CLSTN2: variants seen among roughly 807,000 people sequenced by gnomAD.
The protein encoded by CLSTN2 is calsyntenin 2.
Under a neutral mutation model 101.2 loss-of-function variants are expected in CLSTN2, and 48 were observed. The observed-to-expected ratio is 0.47, with a 90% confidence interval of 0.38 to 0.60. The LOEUF is 0.60. Ranked by LOEUF, CLSTN2 falls within the 20% of genes least tolerant of loss-of-function variation. CLSTN2 has a pLI of 0.00. For synonymous variants in CLSTN2, 481 were observed against 463.6 expected (o/e 1.04, Z -0.48); for missense variants, 1,160 against 1,238.2 (o/e 0.94, Z 0.95).
rs1032638078 is a variant in CLSTN2, at chr3:140,414,908, C to T, written c.638-6217C>T. Among the ~76,000 whole-genome samples, 12 of 152,028 alleles carry T rather than the reference C, an allele frequency of 7.9e-5. No individual in the cohort carries two copies. In the East Asian group the frequency reaches 1.7e-3, roughly 22 times the overall value. On this transcript the variant is annotated intron_variant, in intron 4 of 16. Coordinates refer to ENST00000458420, the MANE Select transcript of CLSTN2 (RefSeq NM_022131.3). ...AAGAAGAACAAACCTGGAGGTATTACATTTCCTGATTTCAAACTATAAAAC... is the reference window on the plus strand; with the variant it reads ...AAGAAGAACAAACCTGGAGGTATTATATTTCCTGATTTCAAACTATAAAAC...
chr3:140,272,438 A>G (rs1395930190), intron 2 of CLSTN2, among the ~76,000 whole-genome samples: 1 of 151,620 alleles, frequency 6.6e-6, no homozygotes, highest in Non-Finnish European at 1.5e-5. Flanking sequence ...ACAATAGCCA[A>G]TCAGTAAGGT....
intron 2 of CLSTN2, among the ~76,000 whole-genome samples, chr3:140,367,960 C>T (rs1182109726): frequency 6.6e-6 from 1 of 152,140 alleles, no homozygotes; most frequent in African/African-American, 2.4e-5. Context: ...CAGGAGTGGT[C>T]ATGTTACATC....
chr3:140,442,263 C>T (rs1395224021), intron 5 of CLSTN2, among the ~76,000 whole-genome samples: 2 of 152,078 alleles, frequency 1.3e-5, no homozygotes, highest in African/African-American at 2.4e-5. Flanking sequence ...CTTTTTGGGG[C>T]TTTTACACTC....
At chr3:139,957,191 C>T (rs1935420815) in intron 1 of CLSTN2, among the ~76,000 whole-genome samples, 2 of 152,108 alleles carry the variant, frequency 1.3e-5, no homozygotes, top group African/African-American at 4.8e-5. Flanking sequence ...TCTGGGGCTG[C>T]CCAGAGATGA....
At chr3:140,165,046 A>G (rs2010113375) in intron 1 of CLSTN2, among the ~76,000 whole-genome samples, 1 of 152,200 alleles carries the variant, frequency 6.6e-6, no homozygotes, top group Admixed American at 6.5e-5. Context: ...TTAAGGATTA[A>G]TGACTCAGCC....
At position 139,970,652 on chromosome 3, in the gene CLSTN2, G is replaced by A. The variant is rs544189843; in HGVS notation, c.109+35169G>A. Among the ~76,000 whole-genome samples, 156 of 152,262 alleles carry A rather than the reference G, an allele frequency of 1.0e-3. 1 individual carries two copies. The highest frequency in any genetic ancestry group is 3.4e-3 in the African/African-American group (141 of 41,558). On this transcript the variant is annotated intron_variant, in intron 1 of 16. Coordinates refer to ENST00000458420, the MANE Select transcript of CLSTN2 (RefSeq NM_022131.3). ...CCTCATCCTGAACACAGCGGCAGTG[G>A]ACCATAGTGGGCCCTCTGCCCCTGC...
chr3:140,535,349 C>T (rs1026976586), intron 9 of CLSTN2, among the ~76,000 whole-genome samples: 1 of 152,210 alleles, frequency 6.6e-6, no homozygotes, highest in Non-Finnish European at 1.5e-5. Context: ...TCCTTAGTAT[C>T]CTTCTAGGCT....
At position 140,577,101 on chromosome 3, in the gene CLSTN2, G is replaced by A. The variant is rs1486037720; in HGVS notation, c.*10848G>A. The A allele has an allele frequency of 1.3e-5, 2 of 152,168 alleles. No homozygotes were observed. Among genetic ancestry groups the A allele is most frequent in the Admixed American group, 6.5e-5 (1 of 15,288 alleles). 9.4% of individuals were successfully genotyped at this position (152,168 alleles called of 1,614,324 possible). On this transcript the variant is annotated 3_prime_UTR_variant, in exon 17 of 17. Transcript: ENST00000458420. ...AATTCAGACTGACACAGAGTGAGGG[G>A]CGCTGAGAGTCTCTATGTATATAAA...
At chr3:140,302,292 C>T (rs1284906730) in intron 2 of CLSTN2, among the ~76,000 whole-genome samples, 1 of 152,064 alleles carries the variant, frequency 6.6e-6, no homozygotes, top group Non-Finnish European at 1.5e-5. Context: ...TGCTGGAGAC[C>T]ACTTGTTAAC....
chr3:140,176,350 G>C (rs1426696449), intron 2 of CLSTN2, among the ~76,000 whole-genome samples: 1 of 152,194 alleles, frequency 6.6e-6, no homozygotes, highest in Admixed American at 6.5e-5. Context: ...GTGGCCTGTG[G>C]AGTTGGAGAA....
intron 5 of CLSTN2, among the ~76,000 whole-genome samples, chr3:140,442,205 T>C (rs1194409347): frequency 6.6e-6 from 1 of 152,066 alleles, no homozygotes; most frequent in East Asian, 1.9e-4. Flanking sequence ...ACCCTCTCAC[T>C]TTTCATATGC....
intron 5 of CLSTN2, among the ~76,000 whole-genome samples, chr3:140,434,218 G>C (rs1486786670): frequency 1.3e-5 from 2 of 152,222 alleles, no homozygotes; most frequent in African/African-American, 2.4e-5. Context: ...TCCTGGTGGA[G>C]GGAGGAACTG....
chr3:140,473,688 T>G (rs1189534385), intron 8 of CLSTN2, among the ~76,000 whole-genome samples: 1 of 152,124 alleles, frequency 6.6e-6, no homozygotes, highest in African/African-American at 2.4e-5. Flanking sequence ...GTGACATTCA[T>G]TTCAGACTTC....
At chr3:140,032,427 C>T (rs187556504) in intron 1 of CLSTN2, among the ~76,000 whole-genome samples, 13 of 151,976 alleles carry the variant, frequency 8.6e-5, no homozygotes, top group Admixed American at 2.6e-4. Context: ...CCTCCACCCC[C>T]GGGTTCAAGC....
chr3:140,275,477 G>T (rs2086785636), intron 2 of CLSTN2, among the ~76,000 whole-genome samples: 1 of 152,064 alleles, frequency 6.6e-6, no homozygotes, highest in African/African-American at 2.4e-5. Flanking sequence ...TTGCTATGTT[G>T]CCCAGGCTGG....
chr3:140,145,964 A>C (rs552225320), intron 1 of CLSTN2, among the ~76,000 whole-genome samples: 35 of 152,338 alleles, frequency 2.3e-4, no homozygotes, highest in African/African-American at 8.4e-4. Context: ...TTTCCACAAG[A>C]AGCCTACCTT....
At chr3:140,435,147 A>C (rs533039817) in intron 5 of CLSTN2, among the ~76,000 whole-genome samples, 1 of 152,294 alleles carries the variant, frequency 6.6e-6, no homozygotes. Flanking sequence ...GCTGTCAGAT[A>C]GTAGGTCTTA....
chr3:140,059,036 T>A (rs1274426744), intron 1 of CLSTN2, among the ~76,000 whole-genome samples: 4 of 152,236 alleles, frequency 2.6e-5, no homozygotes, highest in Non-Finnish European at 5.9e-5. Context: ...TAAAGACCCA[T>A]GGCAGTAGTA....
chr3:140,466,469 A>C, intron 7 of CLSTN2, 141 bp from the exon 8 acceptor site: 1 of 949,004 alleles, frequency 1.1e-6, no homozygotes, highest in Non-Finnish European at 1.6e-6. Context: ...AACTATCATC[A>C]GAGCCTGTTG....
Sources: gnomAD v4.1 joint callset for allele counts (sites outside exome capture counted in the v4.1 genomes callset) on GRCh38, gnomAD v4.1.1 for gene constraint, MANE v1.5 for transcripts, NCBI Gene and HGNC (gene_info 2026-07-23, HGNC 2026-07-21) for gene names.